The following CAB39 variants were observed in gnomAD, a reference collection of about 807,000 sequenced individuals.
CAB39 encodes calcium binding protein 39, also known as calcium-binding protein 39.
Under a neutral mutation model 40.0 loss-of-function variants are expected in CAB39, and 8 were observed. That is an observed-to-expected ratio of 0.20 (90% confidence interval 0.12 to 0.36). The LOEUF (loss-of-function observed/expected upper bound fraction) is 0.36, where lower values mean the gene tolerates loss of function less well. Among genes scored for constraint, CAB39 ranks in the 10% least tolerant of loss-of-function variants. CAB39 has a pLI of 1.00. For missense variants in CAB39, 270 were observed against 401.1 expected (o/e 0.67, Z 2.79); for synonymous variants, 156 against 141.6 (o/e 1.10, Z -0.72).
intron 1 of CAB39, among the ~76,000 whole-genome samples, chr2:230,733,961 C>T (rs534992961): frequency 1.3e-4 from 20 of 152,164 alleles, no homozygotes; most frequent in African/African-American, 4.3e-4. Flanking sequence ...TGTTTCTTCC[C>T]CTGTTAATGA....
intron 2 of CAB39, among the ~76,000 whole-genome samples, chr2:230,777,860 G>A (rs907981458): frequency 6.6e-6 from 1 of 152,066 alleles, no homozygotes; most frequent in Non-Finnish European, 1.5e-5. Flanking sequence ...GTTTCCATAG[G>A]GTAAATTCCT....
intron 2 of CAB39, among the ~76,000 whole-genome samples, chr2:230,785,731 G>A (rs1575945863): frequency 6.6e-6 from 1 of 152,000 alleles, no homozygotes; most frequent in East Asian, 2.0e-4. Context: ...GTCTTGCTCT[G>A]TCACCCAAGC....
intron 1 of CAB39, among the ~76,000 whole-genome samples, chr2:230,755,815 A>G (rs957889581): frequency 2.0e-5 from 3 of 152,218 alleles, no homozygotes; most frequent in African/African-American, 7.2e-5. Context: ...TGCTGATGAT[A>G]AAGGGGAGAT....
chr2:230,768,372 C>G (rs1370951885), intron 2 of CAB39, among the ~76,000 whole-genome samples: 2 of 152,070 alleles, frequency 1.3e-5, no homozygotes, highest in Non-Finnish European at 2.9e-5. Context: ...ACTGGTGGTC[C>G]TGGTATTGTC....
chr2:230,752,247 C>CA (rs77241916), intron 1 of CAB39: 34,578 of 139,446 alleles, frequency 0.25, 7,807 homozygotes, highest in African/African-American at 0.61. Flanking sequence ...TACATATTTA[C>CA]AAAAAAAAAA....
chr2:230,723,311 T>C (rs376200579), intron 1 of CAB39, among the ~76,000 whole-genome samples: 5 of 152,024 alleles, frequency 3.3e-5, no homozygotes, highest in African/African-American at 1.2e-4. Context: ...TGATTTCCCA[T>C]TATCTTTTTT....
intron 2 of CAB39, 38 bp from the exon 3 acceptor site, chr2:230,790,830 ATTGT>A: frequency 6.6e-7 from 1 of 1,524,294 alleles, no homozygotes; most frequent in Non-Finnish European, 8.9e-7. Context: ...GTTAAAATGA[ATTGT>A]TTTTTCTCCT....
At chr2:230,750,243 G>C (rs893874356) in intron 1 of CAB39, among the ~76,000 whole-genome samples, 1 of 152,178 alleles carries the variant, frequency 6.6e-6, no homozygotes, top group Non-Finnish European at 1.5e-5. Flanking sequence ...TGATTAGGTC[G>C]TTAAGAGGGA....
intron 1 of CAB39, among the ~76,000 whole-genome samples, chr2:230,734,369 TTGGATAGACTGACTTCC>T (rs1694748024): frequency 6.6e-6 from 1 of 152,126 alleles, no homozygotes; most frequent in Non-Finnish European, 1.5e-5. Flanking sequence ...ACTTCAGCCT[TTGGATAGACTGACTTCC>T]TGTTCAGTGT....
intron 1 of CAB39, among the ~76,000 whole-genome samples, chr2:230,716,840 A>G (rs930496142): frequency 6.6e-6 from 1 of 152,186 alleles, no homozygotes; most frequent in Non-Finnish European, 1.5e-5. Context: ...TATATCCACA[A>G]AAATAAAAAA....
intron 5 of CAB39, among the ~76,000 whole-genome samples, chr2:230,802,147 C>T (rs375836983): frequency 6.6e-6 from 1 of 152,120 alleles, no homozygotes; most frequent in Non-Finnish European, 1.5e-5. Flanking sequence ...ACTGAACAAC[C>T]TGCTCCTGAA....
chr2:230,725,438 T>G, intron 1 of CAB39: 1 of 1,538,828 alleles, frequency 6.5e-7, no homozygotes. Flanking sequence ...TCAGTTCCCG[T>G]AACGGTTCCT....
At chr2:230,754,487 T>A (rs1695154285) in intron 1 of CAB39, among the ~76,000 whole-genome samples, 1 of 130,326 alleles carries the variant, frequency 7.7e-6, no homozygotes, top group African/African-American at 2.8e-5. Flanking sequence ...CTCCTTCCGC[T>A]CCTCTTCCTC....
chr2:230,723,545 A>C (rs566488332), intron 1 of CAB39, among the ~76,000 whole-genome samples: 1 of 152,246 alleles, frequency 6.6e-6, no homozygotes, highest in African/African-American at 2.4e-5. Flanking sequence ...CTGATCCTCC[A>C]GTTGTCTCAC....
chr2:230,754,543 C>T (rs113173178), intron 1 of CAB39, among the ~76,000 whole-genome samples: 36,285 of 151,076 alleles, frequency 0.24, 8,828 homozygotes, highest in African/African-American at 0.63. Context: ...CTCCTCTTCT[C>T]CGTCTTGCTC....
chr2:230,808,932 A>C (rs570788323), intron 5 of CAB39, among the ~76,000 whole-genome samples: 114 of 152,344 alleles, frequency 7.5e-4, no homozygotes, highest in Non-Finnish European at 1.0e-3. Flanking sequence ...CTGGGGATTC[A>C]AAGGTTAATG....
At chr2:230,740,561 G>A in intron 1 of CAB39, among the ~76,000 whole-genome samples, 1 of 152,178 alleles carries the variant, frequency 6.6e-6, no homozygotes, top group South Asian at 2.1e-4. Context: ...TAGGGCTGGT[G>A]GGACATGCAG....
At chr2:230,808,397 T>C (rs553324172) in intron 5 of CAB39, among the ~76,000 whole-genome samples, 27 of 152,322 alleles carry the variant, frequency 1.8e-4, no homozygotes, top group African/African-American at 6.5e-4. Flanking sequence ...AAACTTGCCC[T>C]GTGGCACCTC....
Position 230,754,117 on chromosome 2 carries a change from C to G in CAB39, c.-43-5842C>G, listed in dbSNP as rs545003448. Among the ~76,000 whole-genome samples, 216 of 152,160 alleles carry G rather than the reference C, an allele frequency of 1.4e-3. 1 individual carries two copies. Among genetic ancestry groups the G allele is most frequent in the African/African-American group, 5.0e-3 (209 of 41,492 alleles). ...GCTGTGAGTTGGAGATAGGTAAAAC[C>G]TAGAGGGCCATGGTAAGGAATTTGG... On this transcript the variant is annotated intron_variant, in intron 1 of 8. Transcript: ENST00000258418.
Sources: gnomAD v4.1 joint callset for allele counts (sites outside exome capture counted in the v4.1 genomes callset) on GRCh38, gnomAD v4.1.1 for gene constraint, MANE v1.5 for transcripts, NCBI Gene and HGNC (gene_info 2026-07-23, HGNC 2026-07-21) for gene names.